VAV2: variants seen among roughly 807,000 people sequenced by gnomAD.
VAV2 encodes guanine nucleotide exchange factor VAV2.
A neutral mutation model predicts 132.5 loss-of-function variants in VAV2; 67 were observed. That is an observed-to-expected ratio of 0.51 (90% CI 0.42 to 0.62). VAV2 has a LOEUF of 0.62. Among genes scored for constraint, VAV2 ranks in the 20% least tolerant of loss-of-function variants. The pLI, the probability that VAV2 is intolerant of heterozygous loss-of-function variation, is 0.00. For missense variants in VAV2, 938 were observed against 1,153.6 expected (o/e 0.81, Z 2.71); for synonymous variants, 492 against 443.5 (o/e 1.11, Z -1.37).
intron 18 of VAV2, 41 bp downstream of exon 18, chr9:133,784,276 C>T (rs149090536): frequency 4.4e-6 from 7 of 1,591,380 alleles, no homozygotes; most frequent in East Asian, 2.2e-5. Context: ...CTGGGCTGGG[C>T]GTGGAGCGAG....
Position 133,804,321 on chromosome 9 carries a change from G to A in VAV2, c.836+1760C>T, listed in dbSNP as rs1056953692. 1.3e-5 allele frequency among the ~76,000 whole-genome samples: 2 copies of A among 152,236 alleles called. No individual in the cohort carries two copies. The highest frequency in any genetic ancestry group is 6.5e-5 in the Admixed American group (1 of 15,290). On this transcript the variant is annotated intron_variant, in intron 9 of 29. Transcript: ENST00000371850. This position sits in a 1 kb window ranked among gnomAD's most constrained non-coding sequence, Gnocchi z 4.5. Reference sequence around the variant, plus strand: ...CCCCGACTGACGGATCTCGCCACACGCCTCGCTGCCAGGGACGGAGCTGCC... The same window carrying A: ...CCCCGACTGACGGATCTCGCCACACACCTCGCTGCCAGGGACGGAGCTGCC...
intron 2 of VAV2, among the ~76,000 whole-genome samples, chr9:133,932,536 G>A (rs1037316277): frequency 2.2e-4 from 34 of 152,334 alleles, no homozygotes; most frequent in African/African-American, 7.9e-4. Context: ...CGGGGTGAGT[G>A]AAGAGGAAGA....
At chr9:133,862,103 T>C (rs1215316099) in intron 2 of VAV2, among the ~76,000 whole-genome samples, 2 of 152,108 alleles carry the variant, frequency 1.3e-5, no homozygotes, top group African/African-American at 4.8e-5. Flanking sequence ...AGAGGAAGGT[T>C]TGGTGAGAAG....
chr9:133,908,923 G>C (rs1344126764), intron 2 of VAV2, among the ~76,000 whole-genome samples: 1 of 152,246 alleles, frequency 6.6e-6, no homozygotes, highest in Non-Finnish European at 1.5e-5. Flanking sequence ...TGGGCATGCA[G>C]GCAGCTGCGC....
At chr9:133,850,846 C>A (rs1461206039) in intron 3 of VAV2, among the ~76,000 whole-genome samples, 1 of 152,246 alleles carries the variant, frequency 6.6e-6, no homozygotes, top group Non-Finnish European at 1.5e-5. Flanking sequence ...CATCTTGACA[C>A]AAGTGACATT....
intron 2 of VAV2, among the ~76,000 whole-genome samples, chr9:133,914,184 C>CG (rs1198225812): frequency 6.6e-6 from 1 of 152,152 alleles, no homozygotes; most frequent in Non-Finnish European, 1.5e-5. Context: ...TGTCTCACAG[C>CG]GGGCTAAGCA....
chr9:133,937,814 C>T (rs1588143004), intron 2 of VAV2, among the ~76,000 whole-genome samples: 1 of 152,208 alleles, frequency 6.6e-6, no homozygotes, highest in African/African-American at 2.4e-5. Context: ...ATCAAACTCC[C>T]AGGCAGGTGC....
chr9:133,797,643 A>C (rs1834770410), intron 10 of VAV2, 67 bp downstream of exon 10: 1 of 1,400,400 alleles, frequency 7.1e-7, no homozygotes, highest in African/African-American at 1.4e-5. Flanking sequence ...GCTGGTACCT[A>C]ACGAGCTCTG....
At chr9:133,939,441 C>T in intron 1 of VAV2, 1 of 586,874 alleles carries the variant, frequency 1.7e-6, no homozygotes, top group Non-Finnish European at 3.0e-6. Flanking sequence ...TGGAAGCAGG[C>T]AGACCAGCTC....
chr9:133,849,414 C>A (rs1048458606), intron 3 of VAV2, among the ~76,000 whole-genome samples: 2 of 152,158 alleles, frequency 1.3e-5, no homozygotes. Context: ...GATGCTGGTC[C>A]GGCCTCCAGG....
chr9:133,831,702 G>A (rs553551165), intron 4 of VAV2, among the ~76,000 whole-genome samples: 1 of 152,292 alleles, frequency 6.6e-6, no homozygotes, highest in Non-Finnish European at 1.5e-5. Context: ...GTCCAGAAAC[G>A]CTGAGGCATG....
chr9:133,889,375 C>G (rs1838840781), intron 2 of VAV2, among the ~76,000 whole-genome samples: 1 of 152,156 alleles, frequency 6.6e-6, no homozygotes, highest in African/African-American at 2.4e-5. Flanking sequence ...TCTAGACTGG[C>G]CTGACCCCTC....
intron 1 of VAV2, among the ~76,000 whole-genome samples, chr9:133,972,048 A>C (rs1301737524): frequency 6.6e-6 from 1 of 152,174 alleles, no homozygotes; most frequent in African/African-American, 2.4e-5. Context: ...ATGCAGACCA[A>C]GCCCCAATTC....
intron 1 of VAV2, among the ~76,000 whole-genome samples, chr9:133,964,489 A>G (rs1002563483): frequency 4.6e-5 from 7 of 152,180 alleles, no homozygotes; most frequent in Admixed American, 2.6e-4. Context: ...TGGATGTCAT[A>G]TATGTATAAT....
intron 2 of VAV2, among the ~76,000 whole-genome samples, chr9:133,889,286 G>T (rs1003804133): frequency 1.3e-5 from 2 of 152,184 alleles, no homozygotes; most frequent in African/African-American, 4.8e-5. Flanking sequence ...AAGGGTGGGG[G>T]CTCACGGGCA....
chr9:133,841,253 G>T (rs574042651), intron 3 of VAV2, among the ~76,000 whole-genome samples: 2 of 151,986 alleles, frequency 1.3e-5, no homozygotes, highest in African/African-American at 4.8e-5. Flanking sequence ...AACAGCAGCA[G>T]CTACAGGGAG....
At chr9:133,781,255 C>T (rs545615045) in intron 19 of VAV2, among the ~76,000 whole-genome samples, 2 of 152,368 alleles carry the variant, frequency 1.3e-5, no homozygotes, top group South Asian at 4.1e-4. Flanking sequence ...GGACACAAGA[C>T]CTTAGGTGCC....
chr9:133,947,576 G>A (rs1040922493), intron 1 of VAV2, among the ~76,000 whole-genome samples: 13 of 151,828 alleles, frequency 8.6e-5, no homozygotes, highest in African/African-American at 3.1e-4. Flanking sequence ...GCGCATGCCT[G>A]TAATCCCAGC....
chr9:133,875,015 G>A (rs919971746), intron 2 of VAV2, among the ~76,000 whole-genome samples: 1 of 152,180 alleles, frequency 6.6e-6, no homozygotes, highest in Non-Finnish European at 1.5e-5. Flanking sequence ...AGTCGGGGCA[G>A]AGCAGCCCCA....
Sources: gnomAD v4.1 joint callset for allele counts (sites outside exome capture counted in the v4.1 genomes callset) on GRCh38, gnomAD v4.1.1 for gene constraint, Gnocchi (gnomAD v3.1) non-coding constraint, MANE v1.5 for transcripts, NCBI Gene and HGNC (gene_info 2026-07-23, HGNC 2026-07-21) for gene names.